The following SAMD5 variants were observed in gnomAD, a reference collection of about 807,000 sequenced individuals.
SAMD5 encodes sterile alpha motif domain containing 5.
Under a neutral mutation model 11.3 loss-of-function variants are expected in SAMD5, and 13 were observed. The observed-to-expected ratio is 1.15, with a 90% CI of 0.75 to 1.83. The LOEUF (loss-of-function observed/expected upper bound fraction) is 1.83, where lower values mean the gene tolerates loss of function less well. SAMD5 is among the 40% of genes most tolerant of loss of function. The pLI is 0.00. For synonymous variants in SAMD5, 129 were observed against 111.3 expected (o/e 1.16, Z -1.00); for missense variants, 255 against 239.1 (o/e 1.07, Z -0.44).
chr6:147,951,244 C>G, the SAMD5 span, among the ~76,000 whole-genome samples: 28 of 151,020 alleles, frequency 1.9e-4, 1 homozygote, highest in Admixed American at 1.8e-3. Context: ...TGCAGTGGCG[C>G]GATCTCGGCT....
intron 1 of SAMD5, among the ~76,000 whole-genome samples, chr6:147,515,773 G>C (rs1024404525): frequency 1.3e-5 from 2 of 152,116 alleles, no homozygotes; most frequent in Non-Finnish European, 2.9e-5. Context: ...TATCAAAGTT[G>C]AATGTTATTT....
chr6:147,700,687 G>T (rs1791242011), intron 1 of SAMD5, among the ~76,000 whole-genome samples: 2 of 152,250 alleles, frequency 1.3e-5, no homozygotes, highest in Admixed American at 1.3e-4. Context: ...TACATTAGAA[G>T]TATGTACCAC....
At chr6:147,942,353 A>T in the SAMD5 span, among the ~76,000 whole-genome samples, 1 of 152,204 alleles carries the variant, frequency 6.6e-6, no homozygotes, top group Admixed American at 6.5e-5. Context: ...GCTTAGCTCT[A>T]ACAATTGGAC....
the SAMD5 span, among the ~76,000 whole-genome samples, chr6:147,757,132 G>T: frequency 6.6e-6 from 1 of 152,154 alleles, no homozygotes; most frequent in Non-Finnish European, 1.5e-5. Flanking sequence ...GCTGCAATGT[G>T]ATTGCTCTTC....
intron 1 of SAMD5, among the ~76,000 whole-genome samples, chr6:147,722,814 ACTT>A (rs1583153822): frequency 6.6e-6 from 1 of 152,268 alleles, no homozygotes; most frequent in African/African-American, 2.4e-5. Context: ...AAATGAACAC[ACTT>A]CTTGTTCTGT....
intron 1 of SAMD5, among the ~76,000 whole-genome samples, chr6:147,562,551 G>A (rs1188114507): frequency 6.6e-6 from 1 of 152,160 alleles, no homozygotes; most frequent in Admixed American, 6.5e-5. Context: ...GGCCGGGTGT[G>A]GTGGCTCACG....
chr6:147,757,318 A>G, the SAMD5 span, among the ~76,000 whole-genome samples: 2 of 152,184 alleles, frequency 1.3e-5, no homozygotes, highest in African/African-American at 4.8e-5. Flanking sequence ...CAATGGCTGC[A>G]AGGGGTTGAC....
chr6:147,911,873 A>T, the SAMD5 span, among the ~76,000 whole-genome samples: 1 of 152,222 alleles, frequency 6.6e-6, no homozygotes, highest in Non-Finnish European at 1.5e-5. Context: ...GGCCTGCCAG[A>T]TCTAGAAGGG....
the SAMD5 span, among the ~76,000 whole-genome samples, chr6:147,915,119 CAGTAGATT>C: frequency 6.6e-6 from 1 of 152,224 alleles, no homozygotes; most frequent in South Asian, 2.1e-4. Context: ...GGAATACAGA[CAGTAGATT>C]AGATAAAAGT....
chr6:147,537,882 A>G (rs976142525), intron 1 of SAMD5, among the ~76,000 whole-genome samples: 12 of 152,016 alleles, frequency 7.9e-5, no homozygotes. Context: ...TTTCCTTGCC[A>G]TTTACCCAAA....
chr6:147,798,296 T>G, the SAMD5 span, among the ~76,000 whole-genome samples: 11 of 150,738 alleles, frequency 7.3e-5, no homozygotes, highest in Non-Finnish European at 1.5e-4. Context: ...TCAAAGAACA[T>G]CTTTATTTCT....
the SAMD5 span, among the ~76,000 whole-genome samples, chr6:147,794,109 G>A: frequency 1.3e-5 from 2 of 152,080 alleles, no homozygotes; most frequent in African/African-American, 4.8e-5. Flanking sequence ...AAATGCATCT[G>A]TCTTCCCAAG....
At chr6:147,883,331 G>A in the SAMD5 span, among the ~76,000 whole-genome samples, 9 of 152,144 alleles carry the variant, frequency 5.9e-5, no homozygotes, top group African/African-American at 2.2e-4. Context: ...TTATTTCAGA[G>A]TTGCCCCTTG....
chr6:147,900,450 T>G, the SAMD5 span, among the ~76,000 whole-genome samples: 1 of 152,190 alleles, frequency 6.6e-6, no homozygotes, highest in Admixed American at 6.5e-5. Flanking sequence ...CACAGGTCAT[T>G]CGTATAATGA....
rs12174088 is a variant in SAMD5 at position 147,619,077 on chromosome 6, C to T, written c.162+109690C>T. Reference sequence around the variant, plus strand: ...AAGCTGTGTGATCACAGGCGTGAGCCGCAGCACCCGGCCTTTCCTGCTCTT... The same window carrying T: ...AAGCTGTGTGATCACAGGCGTGAGCTGCAGCACCCGGCCTTTCCTGCTCTT... On this transcript the variant is annotated intron_variant, in intron 1 of 1. Coordinates refer to the SAMD5 transcript ENST00000566741. Among the ~76,000 whole-genome samples the T allele has an allele frequency of 7.9e-3, 1,201 of 152,290 alleles. 51 individuals are homozygous for T. Among genetic ancestry groups the T allele is most frequent in the Admixed American group, 0.063 (970 of 15,296 alleles).
chr6:147,811,677 T>G, the SAMD5 span, among the ~76,000 whole-genome samples: 1 of 152,086 alleles, frequency 6.6e-6, no homozygotes, highest in Non-Finnish European at 1.5e-5. Context: ...TGGAATTGAC[T>G]GATCCAGTGA....
chr6:147,514,070 G>T (rs1788128977), intron 1 of SAMD5, among the ~76,000 whole-genome samples: 1 of 152,146 alleles, frequency 6.6e-6, no homozygotes, highest in Non-Finnish European at 1.5e-5. Context: ...TAGGATGAGA[G>T]AATCTGGAGT....
In SAMD5 at chr6:147,551,812, T is replaced by TTATATATATATATATATATA. The variant is rs10691979; in HGVS notation, c.460-12576_460-12557dup. 3.9e-3 allele frequency among the ~76,000 whole-genome samples: 386 copies of TTATATATATATATATATATA among 99,236 alleles called. 4 individuals carry two copies. Among genetic ancestry groups the TTATATATATATATATATATA allele is most frequent in the African/African-American group, 0.012 (330 of 28,126 alleles). The allele number at this position is 99,236 out of a possible 152,430, so 65.1% of individuals were successfully genotyped here. ...CTTAAATGTGATTCTTATATATATG[T>TTATATATATATATATATATA]TATATATATATATATATATATATAT... On this transcript the variant is annotated intron_variant, in intron 1 of 1. Coordinates refer to ENST00000367474, the MANE Select transcript of SAMD5 (RefSeq NM_001030060.3).
At chr6:147,561,535 T>A (rs995478962) in intron 1 of SAMD5, among the ~76,000 whole-genome samples, 2 of 152,156 alleles carry the variant, frequency 1.3e-5, no homozygotes, top group Admixed American at 1.3e-4. Context: ...TCATGATTTT[T>A]AAGTCAACCT....
Sources: allele counts gnomAD v4.1 joint callset (sites outside exome capture counted in the v4.1 genomes callset), GRCh38; gene constraint gnomAD v4.1.1; transcripts MANE v1.5; gene names NCBI Gene and HGNC (gene_info 2026-07-23, HGNC 2026-07-21).